The following AKAP13 variants were observed in gnomAD, a reference collection of about 807,000 sequenced individuals.
The protein encoded by AKAP13 is A-kinase anchor protein 13.
AKAP13 carries 80 observed loss-of-function variants against 264.5 expected under a neutral mutation model. The ratio of observed to expected loss-of-function variants is 0.30; its 90% CI spans 0.25 to 0.36. AKAP13 has a LOEUF of 0.36. Ranked by LOEUF, AKAP13 falls within the 10% of genes least tolerant of loss-of-function variation. The pLI is 1.00. For synonymous variants in AKAP13, 1,380 were observed against 1,250.2 expected (o/e 1.10, Z -2.19); for missense variants, 3,712 against 3,435.2 (o/e 1.08, Z -2.01).
rs369937007 is a variant in AKAP13 at position 85,579,290 on chromosome 15, G to A, written c.1222G>A (p.Gly408Arg). The A allele has an allele frequency of 6.2e-7, 1 of 1,614,204 alleles. No individual in the cohort carries two copies. The highest frequency in any genetic ancestry group is 8.5e-7 in the Non-Finnish European group (1 of 1,180,048). ...DSCLQSLPDC[G>R]VKGTEGLSSC... Reference sequence around the variant, plus strand: ...CTGCCTTCAGAGCTTGCCTGATTGTGGAGTAAAGGGCACGGAAGGCCTTTC... The same window carrying A: ...CTGCCTTCAGAGCTTGCCTGATTGTAGAGTAAAGGGCACGGAAGGCCTTTC... Residue 408 changes from glycine to arginine, a missense_variant, in exon 7 of 37, where the codon GGA (glycine) becomes AGA (arginine). Physicochemically the swap from Gly to Arg is moderately radical, Grantham distance 125. Transcript: ENST00000394518.
intron 5 of AKAP13, 46 bp downstream of exon 5, chr15:85,544,001 C>T (rs2077651262): frequency 6.2e-7 from 1 of 1,604,056 alleles, no homozygotes; most frequent in African/African-American, 1.3e-5. Flanking sequence ...TCCCCAGCCC[C>T]ACCCCCGATT....
intron 1 of AKAP13, among the ~76,000 whole-genome samples, chr15:85,386,706 A>G (rs1015282069): frequency 6.7e-6 from 1 of 149,404 alleles, no homozygotes; most frequent in African/African-American, 2.4e-5. Flanking sequence ...TGGATTTACA[A>G]TTTTTCCAGC....
At chr15:85,381,958 C>G (rs1567029753) in intron 1 of AKAP13, 1 of 152,184 alleles carries the variant, frequency 6.6e-6, no homozygotes, top group Non-Finnish European at 1.5e-5. Flanking sequence ...TGTGAAGAAG[C>G]TAAGATCAGT....
At chr15:85,567,657 C>T (rs2151281420) in intron 5 of AKAP13, among the ~76,000 whole-genome samples, 1 of 152,248 alleles carries the variant, frequency 6.6e-6, no homozygotes, top group South Asian at 2.1e-4. Context: ...CTTCTGTGTG[C>T]ATGTCCGGTT....
chr15:85,400,880 T>A (rs979597518), intron 1 of AKAP13, among the ~76,000 whole-genome samples: 28 of 67,280 alleles, frequency 4.2e-4, no homozygotes, highest in East Asian at 2.4e-3. Flanking sequence ...ATATATTTTT[T>A]TTTTTTAAAC....
chr15:85,516,485 C>T (rs2076604359), intron 2 of AKAP13, among the ~76,000 whole-genome samples: 1 of 152,316 alleles, frequency 6.6e-6, no homozygotes, highest in East Asian at 1.9e-4. Flanking sequence ...TAATACTGAA[C>T]TGCTGTGAGG....
chr15:85,425,774 A>T (rs1004273911), intron 1 of AKAP13, among the ~76,000 whole-genome samples: 30 of 151,336 alleles, frequency 2.0e-4, no homozygotes, highest in African/African-American at 6.3e-4. Flanking sequence ...TCTTTGCATT[A>T]CTGTGGGAGT....
At chr15:85,620,262 T>C (rs765188740) in intron 8 of AKAP13, 14 of 1,282,242 alleles carry the variant, frequency 1.1e-5, no homozygotes, top group Admixed American at 4.1e-5. Flanking sequence ...CCCTCCTGTA[T>C]TGGGAGAAAG....
intron 14 of AKAP13, among the ~76,000 whole-genome samples, chr15:85,678,014 A>G (rs934422022): frequency 3.9e-5 from 6 of 152,120 alleles, no homozygotes; most frequent in African/African-American, 1.4e-4. Context: ...ACTTCTTTGG[A>G]TAAGCTGTAG....
chr15:85,730,422 A>G (rs2087920100), intron 29 of AKAP13, 91 bp from the exon 30 acceptor site: 3 of 1,393,028 alleles, frequency 2.2e-6, no homozygotes, highest in African/African-American at 1.4e-5. Flanking sequence ...GTCACTTTCC[A>G]TAAATTACCA....
chr15:85,640,717 G>T (rs529478244), intron 9 of AKAP13, among the ~76,000 whole-genome samples: 30 of 152,234 alleles, frequency 2.0e-4, no homozygotes, highest in African/African-American at 7.2e-4. Context: ...TCCTTAAACT[G>T]TTTGGGGCTT....
Position 85,708,391 on chromosome 15 carries a change from A to T in AKAP13, c.5532+305A>T, listed in dbSNP as rs1307596964. Reference sequence around the variant, plus strand: ...TCTTAAAGTGGTTTTCTTCTTAACTACGTCTGCAGGCCTACCCTGCTGTTC... The same window carrying T: ...TCTTAAAGTGGTTTTCTTCTTAACTTCGTCTGCAGGCCTACCCTGCTGTTC... On this transcript the variant is annotated intron_variant, in intron 18 of 36. Transcript: ENST00000394518. The surrounding 1 kb of genome is among the most constrained non-coding windows in gnomAD (Gnocchi z 4.3). Among the ~76,000 whole-genome samples, 1 of 151,974 alleles carries T rather than the reference A, an allele frequency of 6.6e-6. No individual in the cohort carries two copies. The highest frequency in any genetic ancestry group is 1.9e-4 in the East Asian group (1 of 5,180).
At chr15:85,453,949 G>A (rs923160611) in intron 1 of AKAP13, among the ~76,000 whole-genome samples, 4 of 152,232 alleles carry the variant, frequency 2.6e-5, no homozygotes, top group African/African-American at 7.2e-5. Context: ...CATCCCTTCT[G>A]TTCTGGGTCA....
intron 1 of AKAP13, among the ~76,000 whole-genome samples, chr15:85,382,501 G>A (rs897099977): frequency 1.3e-5 from 2 of 152,206 alleles, no homozygotes; most frequent in African/African-American, 4.8e-5. Flanking sequence ...TGATTGTGGG[G>A]AAGGAGGTTG....
intron 14 of AKAP13, among the ~76,000 whole-genome samples, chr15:85,677,398 T>C (rs4843090): frequency 0.19 from 28,364 of 152,178 alleles, 3,516 homozygotes; most frequent in Middle Eastern, 0.41. Context: ...CATTGTGTAC[T>C]CTTTCTAATA....
intron 6 of AKAP13, chr15:85,577,896 T>C (rs2079067646): frequency 1.2e-6 from 1 of 865,136 alleles, no homozygotes; most frequent in Non-Finnish European, 1.4e-6. Flanking sequence ...CACAGGCACA[T>C]TGGCTGCACC....
chr15:85,481,413 C>CTG (rs1469939904), intron 1 of AKAP13, among the ~76,000 whole-genome samples: 2 of 152,144 alleles, frequency 1.3e-5, no homozygotes, highest in African/African-American at 4.8e-5. Context: ...AAGAGACTTA[C>CTG]TGTGTGTGGT....
chr15:85,468,324 T>G (rs920704340), intron 1 of AKAP13, among the ~76,000 whole-genome samples: 1 of 152,218 alleles, frequency 6.6e-6, no homozygotes, highest in African/African-American at 2.4e-5. Flanking sequence ...ATATTGAGAT[T>G]GGAAAATCAC....
At chr15:85,507,527 T>C (rs1013168926) in intron 2 of AKAP13, among the ~76,000 whole-genome samples, 1 of 152,228 alleles carries the variant, frequency 6.6e-6, no homozygotes, top group Admixed American at 6.5e-5. Context: ...AAGGAAACAT[T>C]TGGTGTTGTA....
Sources: gnomAD v4.1 joint callset for allele counts (sites outside exome capture counted in the v4.1 genomes callset) on GRCh38, gnomAD v4.1.1 for gene constraint, Gnocchi (gnomAD v3.1) non-coding constraint, MANE v1.5 for transcripts, NCBI Gene and HGNC (gene_info 2026-07-23, HGNC 2026-07-21) for gene names.